DAD1: variants seen among roughly 807,000 people sequenced by gnomAD.
The protein encoded by DAD1 is dolichyl-diphosphooligosaccharide--protein glycosyltransferase subunit DAD1.
DAD1 carries 4 observed loss-of-function variants against 9.0 expected under a neutral mutation model. That is an observed-to-expected ratio of 0.44 (90% CI 0.22 to 1.01). The LOEUF (loss-of-function observed/expected upper bound fraction) is 1.01, where lower values mean the gene tolerates loss of function less well. DAD1 is among the 50% of genes least tolerant of loss of function. The pLI is 0.24. For missense variants in DAD1, 119 were observed against 137.3 expected, an observed-to-expected ratio of 0.87 and a Z score of 0.67; for synonymous variants, 60 against 62.5, an observed-to-expected ratio of 0.96 and a Z score of 0.19.
At chr14:22,584,066 C>G (rs1345552309) in intron 1 of DAD1, among the ~76,000 whole-genome samples, 1 of 152,038 alleles carries the variant, frequency 6.6e-6, no homozygotes, top group Admixed American at 6.6e-5. Flanking sequence ...TCCATCAGCA[C>G]CATATCCATA....
rs2037066390 is a variant in DAD1 at position 22,574,975 on chromosome 14, G to A, written c.*44+84C>T. On this transcript the variant is annotated intron_variant, in intron 2 of 2. Transcript: ENST00000250498. ...AATGTCAATAGCAGTATGGGAGCCT[G>A]GCCAACCATGATCAAAACCAGTCCC... 3.2e-6 allele frequency: 4 copies of A among 1,234,818 alleles called. 1 individual carries two copies. In the South Asian group the frequency reaches 6.0e-5, roughly 19 times the overall value. 76.5% of individuals were successfully genotyped at this position (1,234,818 alleles called of 1,614,324 possible).
intron 1 of DAD1, among the ~76,000 whole-genome samples, 168 bp downstream of exon 1, chr14:22,588,779 C>A (rs779766215): frequency 3.3e-5 from 5 of 152,174 alleles, no homozygotes; most frequent in African/African-American, 7.2e-5. Flanking sequence ...TGGTATTAGG[C>A]ATATAATCTA....
At chr14:22,586,240 C>T (rs998575696) in intron 1 of DAD1, among the ~76,000 whole-genome samples, 2 of 151,590 alleles carry the variant, frequency 1.3e-5, no homozygotes, top group African/African-American at 4.9e-5. Flanking sequence ...TTACTATTAC[C>T]TACAGGATAA....
intron 1 of DAD1, among the ~76,000 whole-genome samples, chr14:22,581,638 G>A (rs546623080): frequency 6.6e-6 from 1 of 151,224 alleles, no homozygotes; most frequent in Admixed American, 6.6e-5. Context: ...AGCTACTCAG[G>A]AGGCTGAGGC....
At chr14:22,566,232 T>C (rs1283055838) in intron 2 of DAD1, among the ~76,000 whole-genome samples, 1 of 152,036 alleles carries the variant, frequency 6.6e-6, no homozygotes, top group Non-Finnish European at 1.5e-5. Context: ...GTGTTCACAG[T>C]GCCAAACAAA....
chr14:22,565,595 A>G (rs182472268), intron 2 of DAD1, among the ~76,000 whole-genome samples: 2 of 152,300 alleles, frequency 1.3e-5, no homozygotes, highest in East Asian at 3.9e-4. Context: ...AGAAAGAAAA[A>G]TTCCCAATCT....
At chr14:22,582,358 CAAAAAA>C (rs558611163) in intron 1 of DAD1, among the ~76,000 whole-genome samples, 1 of 111,076 alleles carries the variant, frequency 9.0e-6, no homozygotes, top group South Asian at 2.8e-4. Context: ...CTAAAAAATA[CAAAAAA>C]AAAAAAAAAA....
At chr14:22,582,638 C>G (rs1406571321) in intron 1 of DAD1, among the ~76,000 whole-genome samples, 3 of 152,266 alleles carry the variant, frequency 2.0e-5, no homozygotes, top group Non-Finnish European at 4.4e-5. Context: ...TTGGAGAAGA[C>G]AGAGCTTGCT....
intron 2 of DAD1, among the ~76,000 whole-genome samples, chr14:22,572,370 C>A (rs1350742857): frequency 6.6e-6 from 1 of 151,056 alleles, no homozygotes; most frequent in African/African-American, 2.5e-5. Flanking sequence ...ATAAAAGGAG[C>A]AAATAAATGT....
At position 22,571,028 on chromosome 14, in the gene DAD1, A is replaced by AAAAAG. The variant is rs1400314027; in HGVS notation, c.*44+4030_*44+4031insCTTTT. 6.0e-4 allele frequency among the ~76,000 whole-genome samples: 91 copies of AAAAAG among 150,816 alleles called. No homozygotes were observed. The East Asian group carries it at 0.016, about 27-fold the overall frequency. Reference sequence around the variant, plus strand: ...CTGAGATTTTTTTTTTTTTTTTTAAAAAAGAGTTTCACAGGCCAGGTGCAG... The same window carrying AAAAAG: ...CTGAGATTTTTTTTTTTTTTTTTAAAAAAAGAAAGAGTTTCACAGGCCAGGTGCAG... On this transcript the variant is annotated intron_variant, in intron 2 of 2. Coordinates refer to ENST00000250498, the MANE Select transcript of DAD1 (RefSeq NM_001344.4).
intron 2 of DAD1, among the ~76,000 whole-genome samples, chr14:22,565,815 T>A (rs2139233838): frequency 6.6e-6 from 1 of 152,218 alleles, no homozygotes; most frequent in East Asian, 1.9e-4. Context: ...AAGCACAGCC[T>A]CCCACCTACT....
intron 2 of DAD1, among the ~76,000 whole-genome samples, chr14:22,573,688 T>A (rs144829416): frequency 1.1e-4 from 12 of 113,748 alleles, no homozygotes; most frequent in East Asian, 2.6e-4. Flanking sequence ...CCAGCCTGGG[T>A]AACAGAGCGA....
chr14:22,578,108 C>G (rs1008717707), intron 1 of DAD1, among the ~76,000 whole-genome samples: 1 of 151,060 alleles, frequency 6.6e-6, no homozygotes, highest in Non-Finnish European at 1.5e-5. Flanking sequence ...ACAAAATTAG[C>G]CGGGCATGGT....
intron 1 of DAD1, among the ~76,000 whole-genome samples, chr14:22,582,421 G>A (rs1278945763): frequency 6.6e-6 from 1 of 151,216 alleles, no homozygotes; most frequent in Non-Finnish European, 1.5e-5. Flanking sequence ...CTACTCGGGA[G>A]GCTGAGGCAG....
intron 1 of DAD1, among the ~76,000 whole-genome samples, chr14:22,576,604 T>C (rs1305240274): frequency 1.3e-5 from 2 of 152,024 alleles, no homozygotes. Flanking sequence ...GTCAACAAAG[T>C]AAAAATAGAT....
In DAD1 at chr14:22,564,951, A is replaced by G; in HGVS notation, c.*231T>C. 2 of 600,612 alleles carry G rather than the reference A, an allele frequency of 3.3e-6. No individual in the cohort carries two copies. The highest frequency in any genetic ancestry group is 5.9e-6 in the Non-Finnish European group (2 of 337,454). 37.2% of individuals were successfully genotyped at this position (600,612 alleles called of 1,614,324 possible). A position where few individuals can be genotyped will look rare whatever the true frequency, so the allele number is the denominator to read the frequency against. Reference sequence around the variant, plus strand: ...TTTAATTTGGAAGGCAAAAGGTTACATTTAATGAAAGGCAGAGGCTGGATT... The same window carrying G: ...TTTAATTTGGAAGGCAAAAGGTTACGTTTAATGAAAGGCAGAGGCTGGATT... On this transcript the variant is annotated 3_prime_UTR_variant, in exon 3 of 3. Transcript: ENST00000250498.
At chr14:22,586,484 G>T (rs1218146695) in intron 1 of DAD1, among the ~76,000 whole-genome samples, 2 of 152,212 alleles carry the variant, frequency 1.3e-5, no homozygotes, top group Non-Finnish European at 2.9e-5. Flanking sequence ...GACAGAGGTT[G>T]CAGTGAACCG....
intron 2 of DAD1, among the ~76,000 whole-genome samples, chr14:22,573,853 G>T (rs5742807): frequency 0.094 from 14,343 of 152,066 alleles, 1,206 homozygotes; most frequent in African/African-American, 0.22. Context: ...AAAGGATTTA[G>T]GTAACATATT....
intron 2 of DAD1, among the ~76,000 whole-genome samples, chr14:22,571,025 T>TAAA (rs34659715): frequency 2.7e-4 from 40 of 149,140 alleles, no homozygotes; most frequent in African/African-American, 7.9e-4. Context: ...TTTTTTTTTT[T>TAAA]AAAAAAGAGT....
Sources: allele counts gnomAD v4.1 joint callset (sites outside exome capture counted in the v4.1 genomes callset), GRCh38; gene constraint gnomAD v4.1.1; transcripts MANE v1.5; gene names NCBI Gene and HGNC (gene_info 2026-07-23, HGNC 2026-07-21).